The following SLC6A15 variants were observed in gnomAD, a reference collection of about 807,000 sequenced individuals.
The protein encoded by SLC6A15 is sodium-dependent neutral amino acid transporter B(0)AT2.
In SLC6A15, 33 loss-of-function variants were observed where a neutral mutation model predicts 68.5. The observed-to-expected ratio is 0.48, with a 90% CI of 0.37 to 0.64. The LOEUF (loss-of-function observed/expected upper bound fraction) is 0.64. Among genes scored for constraint, SLC6A15 ranks in the 30% least tolerant of loss-of-function variants. The pLI is 0.00. For missense variants in SLC6A15, 747 were observed against 874.3 expected, an observed-to-expected ratio of 0.85 and a Z score of 1.84; for synonymous variants, 347 against 301.0, an observed-to-expected ratio of 1.15 and a Z score of -1.58.
At chr12:84,903,245 G>C (rs1872970234) in intron 1 of SLC6A15, among the ~76,000 whole-genome samples, 2 of 152,098 alleles carry the variant, frequency 1.3e-5, no homozygotes, top group Non-Finnish European at 2.9e-5. Flanking sequence ...TAGACAAAAA[G>C]TTTTTAAGAC....
At chr12:84,871,166 T>A (rs1449087995) in intron 8 of SLC6A15, among the ~76,000 whole-genome samples, 4 of 151,574 alleles carry the variant, frequency 2.6e-5, no homozygotes, top group Admixed American at 6.6e-5. Context: ...CTATGAATAA[T>A]AAACTTGTTT....
chr12:84,879,272 T>C lies in SLC6A15; in HGVS notation c.757-2665A>G, dbSNP rs148665850. On this transcript the variant is annotated intron_variant, in intron 5 of 11. Transcript: ENST00000266682. ...CCTACTCCAAAATTTACATCCCCCG[T>C]GAAGCCTTCTTGCAAATCCAGTTTA... is the stretch of plus-strand genomic sequence containing the variant. Among the ~76,000 whole-genome samples, 17 of 152,018 alleles carry C rather than the reference T, an allele frequency of 1.1e-4. No homozygotes were observed. In the East Asian group the frequency reaches 3.1e-3, roughly 28 times the overall value.
At chr12:84,883,216 C>A in intron 5 of SLC6A15, 2 of 984,452 alleles carry the variant, frequency 2.0e-6, no homozygotes, top group Non-Finnish European at 2.4e-6. Context: ...CCTAGAGCGT[C>A]CTTTAAAAAT....
rs67339994 is a variant in SLC6A15 at position 84,895,339 on chromosome 12, A to ATTTTTTTTTTTTTTTTTTTTTTT, written c.-188-3054_-188-3032dup. Among the ~76,000 whole-genome samples the ATTTTTTTTTTTTTTTTTTTTTTT allele has an allele frequency of 1.1e-4, 6 of 54,784 alleles. 2 individuals are homozygous for ATTTTTTTTTTTTTTTTTTTTTTT. Among genetic ancestry groups the ATTTTTTTTTTTTTTTTTTTTTTT allele is most frequent in the African/African-American group, 2.7e-4 (4 of 14,842 alleles). 35.9% of individuals were successfully genotyped at this position (54,784 alleles called of 152,430 possible). A position where few individuals can be genotyped will look rare whatever the true frequency, so the allele number is the denominator to read the frequency against. Reference sequence around the variant, plus strand: ...CTTAGATGTTTTCATTTTTGTTTGTATTTTTTTTTTTTTTTTTTTTTTTTT... The same window carrying ATTTTTTTTTTTTTTTTTTTTTTT: ...CTTAGATGTTTTCATTTTTGTTTGTATTTTTTTTTTTTTTTTTTTTTTTTTTTTTTTTTTTTTTTTTTTTTTTT... On this transcript the variant is annotated intron_variant, in intron 1 of 11. Transcript: ENST00000266682.
At chr12:84,884,708 G>A (rs1872003156) in intron 4 of SLC6A15, among the ~76,000 whole-genome samples, 1 of 151,978 alleles carries the variant, frequency 6.6e-6, no homozygotes, top group African/African-American at 2.4e-5. Flanking sequence ...GCTAGCTGCT[G>A]GCCACATGTT....
rs759182477 is a variant in SLC6A15 at position 84,870,490 on chromosome 12, C to A, written c.1483G>T (p.Glu495Ter). Residue 495 changes from glutamate (E) to a stop codon, truncating the protein, a stop_gained, in exon 9 of 12, where the codon GAA becomes TAA. Coordinates refer to ENST00000266682, the MANE Select transcript of SLC6A15 (RefSeq NM_182767.6). LOFTEE classifies it high-confidence loss of function. ...ACAAAAAACTCACCAGTAAGAATTT[C>A]TTTCCTCACTTTGAAAGTGTCCACA... ...PIVDTFKVRK[E>*]ILTVICCLLA... The A allele has an allele frequency of 2.0e-6, 3 of 1,522,598 alleles. No individual in the cohort carries two copies. The highest frequency in any genetic ancestry group is 2.6e-6 in the Non-Finnish European group (3 of 1,133,784). The allele number at this position is 1,522,598 out of a possible 1,614,324, so 94.3% of individuals were successfully genotyped here.
Position 84,892,023 on chromosome 12 carries a change from G to T in SLC6A15, c.98C>A (p.Ala33Asp). 2 of 1,613,752 alleles carry T rather than the reference G, an allele frequency of 1.2e-6. No individual in the cohort carries two copies. The highest frequency in any genetic ancestry group is 1.7e-6 in the Non-Finnish European group (2 of 1,179,946). ...AACAATTAGTTCACTTGTCTTAAAA[G>T]CATCATCAGCTGCGTCTTCATTGGA... ...LLSNEDAADD[A>D]FKTSELIVDG... is the part of the protein sequence containing the mutation. Residue 33 changes from alanine to aspartate, a missense_variant, in exon 2 of 12, where the codon GCT becomes GAT. Ala to Asp is a moderately radical substitution (Grantham distance 126). Coordinates refer to ENST00000266682, the MANE Select transcript of SLC6A15 (RefSeq NM_182767.6).
chr12:84,873,408 T>C (rs901090318), intron 6 of SLC6A15, 80 bp from the exon 7 acceptor site: 6 of 1,499,818 alleles, frequency 4.0e-6, no homozygotes, highest in Non-Finnish European at 5.4e-6. Context: ...TTACTGTTTA[T>C]GGAGTATACA....
intron 1 of SLC6A15, among the ~76,000 whole-genome samples, chr12:84,910,250 G>A (rs1231118845): frequency 6.6e-6 from 1 of 151,812 alleles, no homozygotes; most frequent in Non-Finnish European, 1.5e-5. Flanking sequence ...CTTATCAACA[G>A]TAAAAGATTA....
At chr12:84,899,939 T>C (rs1472003713) in intron 1 of SLC6A15, among the ~76,000 whole-genome samples, 3 of 152,114 alleles carry the variant, frequency 2.0e-5, no homozygotes, top group African/African-American at 7.2e-5. Context: ...GTGTTCTTTT[T>C]CAAGATTGTT....
rs1267361511 is a variant in SLC6A15, at chr12:84,885,438, T to C, written c.571A>G (p.Thr191Ala). The C allele has an allele frequency of 3.1e-6, 5 of 1,612,346 alleles. No individual in the cohort carries two copies. Among genetic ancestry groups the C allele is most frequent in the Non-Finnish European group, 3.4e-6 (4 of 1,179,210 alleles). Reference sequence around the variant, plus strand: ...CACTGTATTATACATATCTTACAAGTGTGTGAAGCATTTTTCACCAAAGGA... The same window carrying C: ...CACTGTATTATACATATCTTACAAGCGTGTGAAGCATTTTTCACCAAAGGA... ...QCPLVKNASH[T>A]FVEPECEQSS... is the part of the protein sequence containing the mutation. The change falls in exon 4 of 12, where the codon ACT (threonine) becomes GCT (alanine). Residue 191 changes from threonine (T) to alanine (A), a missense_variant. Coordinates refer to ENST00000266682, the MANE Select transcript of SLC6A15 (RefSeq NM_182767.6).
At chr12:84,863,671 A>G in intron 10 of SLC6A15, 70 bp from the exon 11 acceptor site, 1 of 1,130,498 alleles carries the variant, frequency 8.8e-7, no homozygotes, top group Non-Finnish European at 1.2e-6. Flanking sequence ...TGTGCATTAT[A>G]TTAATGGTCT....
rs1309310168 is a variant in SLC6A15 at position 84,876,587 on chromosome 12, C to T, written c.777G>A (p.Leu259=). 6.4e-7 allele frequency: 1 copy of T among 1,565,946 alleles called. No homozygotes were observed. Among genetic ancestry groups the T allele is most frequent in the Non-Finnish European group, 8.7e-7 (1 of 1,150,854 alleles). ...AGCAAATAAGTACCACATATGGAAACAGAGAACTAAAATATATGATCTGCA... is the reference window on the plus strand; with the variant it reads ...AGCAAATAAGTACCACATATGGAAATAGAGAACTAAAATATATGATCTGCA... The part of the protein sequence containing the change: ...SSGKIIYFSS[L]FPYVVLICFL... The change falls in exon 6 of 12, where the codon CTG becomes CTA. Residue 259 remains leucine (L), a synonymous_variant. Coordinates refer to ENST00000266682, the MANE Select transcript of SLC6A15 (RefSeq NM_182767.6).
At chr12:84,869,338 T>C (rs1237383510) in intron 9 of SLC6A15, among the ~76,000 whole-genome samples, 1 of 151,860 alleles carries the variant, frequency 6.6e-6, no homozygotes, top group African/African-American at 2.4e-5. Flanking sequence ...GGCACGCGCC[T>C]GTAGTCCCAG....
At chr12:84,868,676 C>T (rs139851237) in intron 9 of SLC6A15, among the ~76,000 whole-genome samples, 30 of 152,272 alleles carry the variant, frequency 2.0e-4, no homozygotes, top group African/African-American at 7.2e-4. Flanking sequence ...TGAGGTCAAA[C>T]ACGACTACGA....
At chr12:84,908,101 C>A (rs546606699) in intron 1 of SLC6A15, among the ~76,000 whole-genome samples, 1 of 152,126 alleles carries the variant, frequency 6.6e-6, no homozygotes, top group Non-Finnish European at 1.5e-5. Flanking sequence ...TAATGGAACT[C>A]TTTTGTAACT....
chr12:84,905,975 T>C (rs988323799), intron 1 of SLC6A15, among the ~76,000 whole-genome samples: 13 of 152,346 alleles, frequency 8.5e-5, no homozygotes, highest in African/African-American at 3.1e-4. Flanking sequence ...TTTTTGGTCA[T>C]TTCAAGAATG....
intron 7 of SLC6A15, 41 bp from the exon 8 acceptor site, chr12:84,872,835 C>A (rs182005238): frequency 4.7e-6 from 7 of 1,492,460 alleles, no homozygotes; most frequent in South Asian, 3.7e-5. Context: ...CATAAGAGTT[C>A]TTTGGTGTAT....
Position 84,861,773 on chromosome 12 carries a change from C to T in SLC6A15, c.2052G>A (p.Glu684=). ...TSLIHGKIPS[E]MPSPNFGKNI... ...TTTTACCAAAATTTGGAGATGGCAT[C>T]TCGCTCGGTATTTTTCCGTGAATGA... Residue 684 remains glutamate, a synonymous_variant, in exon 12 of 12, where the codon GAG becomes GAA. Transcript: ENST00000266682. The T allele has an allele frequency of 6.2e-7, 1 of 1,613,984 alleles. No homozygotes were observed. Among genetic ancestry groups the T allele is most frequent in the South Asian group, 1.1e-5 (1 of 91,080 alleles).
Sources: allele counts gnomAD v4.1 joint callset (sites outside exome capture counted in the v4.1 genomes callset), GRCh38; gene constraint gnomAD v4.1.1; transcripts MANE v1.5; gene names NCBI Gene and HGNC (gene_info 2026-07-23, HGNC 2026-07-21).